The following RAI14 variants were observed in gnomAD, a reference collection of about 807,000 sequenced individuals.
RAI14 encodes the protein ankycorbin.
Under a neutral mutation model 115.4 loss-of-function variants are expected in RAI14, and 45 were observed. The ratio of observed to expected loss-of-function variants is 0.39; its 90% CI spans 0.31 to 0.50. RAI14 has a LOEUF of 0.50. Ranked by LOEUF, RAI14 falls within the 20% of genes least tolerant of loss-of-function variation. The pLI, the probability that RAI14 is intolerant of heterozygous loss-of-function variation, is 0.85. For missense variants in RAI14, 939 were observed against 1,131.2 expected, an observed-to-expected ratio of 0.83 and a Z score of 2.44; for synonymous variants, 371 against 415.4, an observed-to-expected ratio of 0.89 and a Z score of 1.30.
intron 3 of RAI14, among the ~76,000 whole-genome samples, chr5:34,785,993 T>C (rs1752247850): frequency 6.6e-6 from 1 of 152,210 alleles, no homozygotes; most frequent in Non-Finnish European, 1.5e-5. Flanking sequence ...CAGACTCCTG[T>C]TGGGACCTTT....
At chr5:34,754,988 CCA>C (rs1747693324) in intron 2 of RAI14, among the ~76,000 whole-genome samples, 1 of 152,092 alleles carries the variant, frequency 6.6e-6, no homozygotes, top group African/African-American at 2.4e-5. Context: ...TCTTCCCAGT[CCA>C]GTTTTAATTT....
At chr5:34,723,622 A>G (rs1470782242) in intron 2 of RAI14, among the ~76,000 whole-genome samples, 1 of 152,244 alleles carries the variant, frequency 6.6e-6, no homozygotes, top group Non-Finnish European at 1.5e-5. Flanking sequence ...TAACCGTCGC[A>G]TAGTGGAGAT....
At chr5:34,667,398 G>T (rs1036989010) in intron 1 of RAI14, 1 of 151,940 alleles carries the variant, frequency 6.6e-6, no homozygotes, top group African/African-American at 2.4e-5. Flanking sequence ...CACCACTCCT[G>T]GTGAATTTTT....
In RAI14 at chr5:34,662,721, A is replaced by AT. The variant is rs746930489; in HGVS notation, c.-49+6270dup. On this transcript the variant is annotated intron_variant, in intron 1 of 17. Transcript: ENST00000265109. ...GTAAAATGTTGCACAATTTAAACAG[A>AT]TTTTTTTTTTTTTTTTTTTTTTTTA... 7.0e-3 allele frequency among the ~76,000 whole-genome samples: 642 copies of AT among 91,880 alleles called. 16 individuals are homozygous for AT. The highest frequency in any genetic ancestry group is 0.014 in the African/African-American group (355 of 24,878). The allele number at this position is 91,880 out of a possible 152,430, so 60.3% of individuals were successfully genotyped here. A position where few individuals can be genotyped will look rare whatever the true frequency, so the allele number is the denominator to read the frequency against.
At chr5:34,724,238 A>C (rs755331459) in intron 2 of RAI14, among the ~76,000 whole-genome samples, 1 of 150,978 alleles carries the variant, frequency 6.6e-6, no homozygotes, top group Non-Finnish European at 1.5e-5. Flanking sequence ...CTGGTCTTGA[A>C]CTCCTGACCT....
At chr5:34,742,132 G>A (rs1327054561) in intron 2 of RAI14, among the ~76,000 whole-genome samples, 1 of 152,170 alleles carries the variant, frequency 6.6e-6, no homozygotes, top group African/African-American at 2.4e-5. Flanking sequence ...GGTGGAGGGA[G>A]AAAAGATGAA....
At chr5:34,810,121 C>G (rs560698028) in intron 7 of RAI14, among the ~76,000 whole-genome samples, 10 of 152,294 alleles carry the variant, frequency 6.6e-5, no homozygotes, top group Non-Finnish European at 1.3e-4. Flanking sequence ...TATGACAATA[C>G]TCAATCTTTA....
At chr5:34,687,687 G>A in intron 2 of RAI14, 1 of 1,551,588 alleles carries the variant, frequency 6.4e-7, no homozygotes, top group Non-Finnish European at 8.7e-7. Flanking sequence ...TGTGGAGTGG[G>A]AGAAATTAAT....
chr5:34,774,786 C>G (rs137911652), intron 3 of RAI14, among the ~76,000 whole-genome samples: 272 of 150,848 alleles, frequency 1.8e-3, no homozygotes, highest in African/African-American at 6.3e-3. Flanking sequence ...TTCATATGAA[C>G]CCACAAAAGA....
At chr5:34,821,372 C>A (rs959934099) in intron 13 of RAI14, among the ~76,000 whole-genome samples, 1 of 152,054 alleles carries the variant, frequency 6.6e-6, no homozygotes, top group Non-Finnish European at 1.5e-5. Context: ...AAACCAGATT[C>A]CAGAGACATT....
At chr5:34,725,317 A>C (rs1743305014) in intron 2 of RAI14, among the ~76,000 whole-genome samples, 1 of 152,064 alleles carries the variant, frequency 6.6e-6, no homozygotes, top group Non-Finnish European at 1.5e-5. Context: ...CCTGAATGTA[A>C]TTAGTGATGT....
At chr5:34,796,818 G>A (rs1280635311) in intron 4 of RAI14, among the ~76,000 whole-genome samples, 1 of 151,872 alleles carries the variant, frequency 6.6e-6, no homozygotes, top group Admixed American at 6.6e-5. Flanking sequence ...AGAATAAACA[G>A]TACACACACA....
At chr5:34,719,518 C>G (rs1039168530) in intron 2 of RAI14, among the ~76,000 whole-genome samples, 3 of 152,190 alleles carry the variant, frequency 2.0e-5, no homozygotes, top group Non-Finnish European at 4.4e-5. Flanking sequence ...TGTGGAAAAT[C>G]TCTGCCACGG....
intron 2 of RAI14, among the ~76,000 whole-genome samples, chr5:34,742,530 A>G (rs1253634185): frequency 2.0e-5 from 3 of 152,164 alleles, no homozygotes; most frequent in African/African-American, 7.2e-5. Flanking sequence ...TTTTTTTTTA[A>G]TCATAAAAAT....
At chr5:34,688,289 G>A (rs1462447672) in intron 2 of RAI14, 1 of 1,501,806 alleles carries the variant, frequency 6.7e-7, no homozygotes, top group African/African-American at 1.4e-5. Flanking sequence ...GCAGATAGGG[G>A]TTTCTAAATT....
At chr5:34,806,742 G>A (rs1266242104) in intron 5 of RAI14, among the ~76,000 whole-genome samples, 2 of 152,096 alleles carry the variant, frequency 1.3e-5, no homozygotes, top group African/African-American at 2.4e-5. Flanking sequence ...ACGGGGGAGG[G>A]GAAGCCAGAG....
intron 2 of RAI14, among the ~76,000 whole-genome samples, chr5:34,753,399 C>T (rs1268972803): frequency 6.6e-6 from 1 of 152,120 alleles, no homozygotes; most frequent in Non-Finnish European, 1.5e-5. Flanking sequence ...GGATTTGCTT[C>T]TGGATTCCAA....
intron 15 of RAI14, among the ~76,000 whole-genome samples, chr5:34,824,959 A>G (rs921076388): frequency 2.6e-5 from 4 of 151,620 alleles, no homozygotes; most frequent in African/African-American, 9.7e-5. Context: ...AAAAAAAAAA[A>G]AAAAAAAAAG....
chr5:34,699,446 G>C (rs1281182972), intron 2 of RAI14, among the ~76,000 whole-genome samples: 3 of 152,104 alleles, frequency 2.0e-5, no homozygotes, highest in Non-Finnish European at 4.4e-5. Context: ...GTGTTTCTTG[G>C]CTTATAGGAG....
Sources: allele counts gnomAD v4.1 joint callset (sites outside exome capture counted in the v4.1 genomes callset), GRCh38; gene constraint gnomAD v4.1.1; transcripts MANE v1.5; gene names NCBI Gene and HGNC (gene_info 2026-07-23, HGNC 2026-07-21).